The following C5orf63 variants were observed in gnomAD, a reference collection of about 807,000 sequenced individuals.
C5orf63 encodes the protein glutaredoxin-like protein C5orf63.
In C5orf63, 18 loss-of-function variants were observed where a neutral mutation model predicts 13.3. The ratio of observed to expected loss-of-function variants is 1.36; its 90% CI spans 0.94 to 2.01. The LOEUF (loss-of-function observed/expected upper bound fraction) is 2.01, where lower values mean the gene tolerates loss of function less well. C5orf63 is among the 30% of genes most tolerant of loss of function. The probability of loss-of-function intolerance (pLI) is 0.00; values close to 1 mark genes in which losing one functional copy is unlikely to be tolerated. For synonymous variants in C5orf63, 38 were observed against 44.7 expected (o/e 0.85, Z 0.60); for missense variants, 118 against 127.7 (o/e 0.92, Z 0.36).
At chr5:127,069,466 G>GCAATGT (rs1754453350) in intron 2 of C5orf63, among the ~76,000 whole-genome samples, 1 of 152,074 alleles carries the variant, frequency 6.6e-6, no homozygotes, top group Non-Finnish European at 1.5e-5. Context: ...ATCCACCCAG[G>GCAATGT]CAATGTCTTC....
chr5:127,058,855 C>G, intron 3 of C5orf63, 27 bp downstream of exon 3: 1 of 1,421,284 alleles, frequency 7.0e-7, no homozygotes. Context: ...TTTCTTCACC[C>G]AACAATTTTA....
At chr5:127,043,512 C>A (rs1753451692), downstream of C5orf63, 1 of 152,194 alleles carries the variant, frequency 6.6e-6, no homozygotes, top group Non-Finnish European at 1.5e-5. Context: ...GAACAAAAGG[C>A]TGATACTAAA....
At chr5:127,050,108 C>T (rs1436443631), downstream of C5orf63, among the ~76,000 whole-genome samples, 6 of 152,128 alleles carry the variant, frequency 3.9e-5, no homozygotes, top group African/African-American at 1.4e-4. Context: ...AGGGCTCACC[C>T]AGTTACGTCA....
intron 1 of C5orf63, among the ~76,000 whole-genome samples, chr5:127,072,614 G>T (rs890573739): frequency 2.0e-5 from 3 of 151,932 alleles, no homozygotes; most frequent in Middle Eastern, 3.2e-3. Context: ...AGAATCTTGG[G>T]GTCAAGCTAA....
chr5:127,067,870 G>A (rs1561492986), intron 2 of C5orf63, among the ~76,000 whole-genome samples: 1 of 152,136 alleles, frequency 6.6e-6, no homozygotes. Context: ...AAATTGTCTA[G>A]AGAGGTCAAA....
At chr5:127,057,749 A>G (rs1753944530) in intron 3 of C5orf63, among the ~76,000 whole-genome samples, 1 of 152,214 alleles carries the variant, frequency 6.6e-6, no homozygotes, top group African/African-American at 2.4e-5. Context: ...TTCTTGTTTT[A>G]GCTCTCATAC....
At chr5:127,056,734 G>C (rs1753900863) in intron 3 of C5orf63, among the ~76,000 whole-genome samples, 1 of 152,218 alleles carries the variant, frequency 6.6e-6, no homozygotes, top group Non-Finnish European at 1.5e-5. Context: ...TGAAGAGATT[G>C]TTAACATGTT....
chr5:127,067,794 G>A (rs1390293143), intron 2 of C5orf63, among the ~76,000 whole-genome samples: 1 of 152,170 alleles, frequency 6.6e-6, no homozygotes, highest in East Asian at 1.9e-4. Context: ...AGCCGCCTAG[G>A]TAATTGTAAA....
Position 127,058,865 on chromosome 5 carries a change from A to G in C5orf63, c.114+17T>C, listed in dbSNP as rs1753987496. 6.8e-7 allele frequency: 1 copy of G among 1,463,004 alleles called. No individual in the cohort carries two copies. Among genetic ancestry groups the G allele is most frequent in the Non-Finnish European group, 9.2e-7 (1 of 1,082,468 alleles). The allele number at this position is 1,463,004 out of a possible 1,614,324, so 90.6% of individuals were successfully genotyped here. On this transcript the variant is annotated intron_variant, in intron 3 of 4. Coordinates refer to ENST00000296662, the MANE Select transcript of C5orf63 (RefSeq NM_001164478.2). The stretch of plus-strand genomic sequence containing the variant: ...ACAACTTTCTTCACCCAACAATTTT[A>G]CTTTTTCACTTTGTACCTTTGTGAA...
chr5:127,051,902 A>G lies in C5orf63; in HGVS notation c.217T>C (p.Trp73Arg). 6.5e-7 allele frequency: 1 copy of G among 1,529,528 alleles called. No individual in the cohort carries two copies. The highest frequency in any genetic ancestry group is 8.7e-7 in the Non-Finnish European group (1 of 1,143,846). The allele number at this position is 1,529,528 out of a possible 1,614,324, so 94.7% of individuals were successfully genotyped here. A position where few individuals can be genotyped will look rare whatever the true frequency, so the allele number is the denominator to read the frequency against. Residue 73 changes from tryptophan to arginine, a missense_variant, in exon 5 of 5, where the codon TGG becomes CGG. Physicochemically the swap from Trp to Arg is moderately radical, Grantham distance 101. Coordinates refer to ENST00000296662, the MANE Select transcript of C5orf63 (RefSeq NM_001164478.2). ...VNITLPENSV[W>R]YERYKFDIPV... The stretch of plus-strand genomic sequence containing the variant: ...ATATCAAATTTATACCTTTCATACC[A>G]GACAGAGTTTTCTGGAAGTGTGATG...
At chr5:127,061,932 A>T (rs1303237055) in intron 2 of C5orf63, among the ~76,000 whole-genome samples, 1 of 152,246 alleles carries the variant, frequency 6.6e-6, no homozygotes, top group Non-Finnish European at 1.5e-5. Context: ...TGTGGTGGTG[A>T]TCTGACTACG....
chr5:127,052,077 C>G (rs1292915779), intron 4 of C5orf63, 130 bp from the exon 5 acceptor site: 3 of 708,952 alleles, frequency 4.2e-6, no homozygotes, highest in Non-Finnish European at 6.3e-6. Flanking sequence ...TTTAGGTCCA[C>G]AGTGATCTAA....
At position 127,051,380 on chromosome 5, in the gene C5orf63, G is replaced by C; in HGVS notation, c.*391C>G. ...ATTTCACTTTATCTACTGAGTGGAA[G>C]AGCATTTATTCTTTCATTAAAAAGT... On this transcript the variant is annotated 3_prime_UTR_variant, in exon 5 of 5. Coordinates refer to ENST00000296662, the MANE Select transcript of C5orf63 (RefSeq NM_001164478.2). 1 of 1,232,368 alleles carries C rather than the reference G, an allele frequency of 8.1e-7. No individual in the cohort carries two copies. The highest frequency in any genetic ancestry group is 1.0e-6 in the Non-Finnish European group (1 of 988,314). 76.3% of individuals were successfully genotyped at this position (1,232,368 alleles called of 1,614,324 possible). A position where few individuals can be genotyped will look rare whatever the true frequency, so the allele number is the denominator to read the frequency against.
Position 127,051,826 on chromosome 5 carries a change from G to A in C5orf63, c.293C>T (p.Thr98Ile), listed in dbSNP as rs1396864403. 6.5e-7 allele frequency: 1 copy of A among 1,535,264 alleles called. No individual in the cohort carries two copies. Among genetic ancestry groups the A allele is most frequent in the Admixed American group, 2.0e-5 (1 of 50,582 alleles). Residue 98 changes from threonine to isoleucine, a missense_variant, in exon 5 of 5, where the codon ACC (threonine) becomes ATC (isoleucine). Physicochemically the swap from Thr to Ile is moderately conservative, Grantham distance 89. Coordinates refer to ENST00000296662, the MANE Select transcript of C5orf63 (RefSeq NM_001164478.2). ...CAGGAGCTGTTTTTCAAGTTTTGAG[G>A]TGTTTACTCGATGCATCATCAGAAA... ...GQFLMMHRVN[T>I]SKLEKQLLKL... is the part of the protein sequence containing the mutation.
intron 3 of C5orf63, among the ~76,000 whole-genome samples, chr5:127,053,678 G>A (rs1363745000): frequency 6.6e-6 from 1 of 152,166 alleles, no homozygotes; most frequent in African/African-American, 2.4e-5. Context: ...GTGAGAACAC[G>A]CTGTGTTTGG....
At chr5:127,066,559 G>A (rs996514030) in intron 2 of C5orf63, among the ~76,000 whole-genome samples, 2 of 152,040 alleles carry the variant, frequency 1.3e-5, no homozygotes, top group African/African-American at 4.8e-5. Flanking sequence ...GGCAGTGCCT[G>A]TTACTAAAAT....
At chr5:127,062,946 G>A (rs566171755) in intron 2 of C5orf63, among the ~76,000 whole-genome samples, 3 of 151,824 alleles carry the variant, frequency 2.0e-5, no homozygotes, top group African/African-American at 4.8e-5. Context: ...TATGATATGA[G>A]CAAAAAGAGC....
At chr5:127,045,144 G>A (rs2126876155), downstream of C5orf63, 1 of 152,242 alleles carries the variant, frequency 6.6e-6, no homozygotes, top group African/African-American at 2.4e-5. Context: ...CACAAAAGTT[G>A]TTCTCAATAA....
chr5:127,055,816 T>G (rs929657366), intron 3 of C5orf63, among the ~76,000 whole-genome samples: 5 of 152,222 alleles, frequency 3.3e-5, no homozygotes, highest in African/African-American at 1.2e-4. Flanking sequence ...TAGAAGAATC[T>G]AGATTGGGTT....
Sources: allele counts gnomAD v4.1 joint callset (sites outside exome capture counted in the v4.1 genomes callset), GRCh38; gene constraint gnomAD v4.1.1; transcripts MANE v1.5; gene names NCBI Gene and HGNC (gene_info 2026-07-23, HGNC 2026-07-21).